TNRC6C: variants seen among roughly 807,000 people sequenced by gnomAD.
TNRC6C encodes the protein trinucleotide repeat-containing gene 6C protein.
TNRC6C carries 20 observed loss-of-function variants against 153.7 expected under a neutral mutation model. The ratio of observed to expected loss-of-function variants is 0.13; its 90% confidence interval spans 0.09 to 0.19. The LOEUF is 0.19. Among genes scored for constraint, TNRC6C ranks in the 10% least tolerant of loss-of-function variants. The probability of loss-of-function intolerance (pLI) is 1.00; values close to 1 mark genes in which losing one functional copy is unlikely to be tolerated. For synonymous variants in TNRC6C, 811 were observed against 841.4 expected, an observed-to-expected ratio of 0.96 and a Z score of 0.63; for missense variants, 1,987 against 2,172.0, an observed-to-expected ratio of 0.91 and a Z score of 1.69.
At chr17:78,050,647 A>G (rs1287577450) in exon 3 of TNRC6C, 1 of 1,565,642 alleles carries the variant, frequency 6.4e-7, no homozygotes, top group African/African-American at 1.4e-5. Flanking sequence ...CAGCAACAAC[A>G]AAGCGCCAAG....
At chr17:78,046,542 T>G (rs1313520888) in intron 2 of TNRC6C, among the ~76,000 whole-genome samples, 1 of 152,188 alleles carries the variant, frequency 6.6e-6, no homozygotes, top group African/African-American at 2.4e-5. Context: ...GTGGCTTGTT[T>G]TTTTAGCTTT....
chr17:78,070,559 A>G (rs1244277182), intron 5 of TNRC6C, among the ~76,000 whole-genome samples: 1 of 150,254 alleles, frequency 6.7e-6, no homozygotes, highest in African/African-American at 2.5e-5. Flanking sequence ...CTTCACTGAC[A>G]TTTTCCTCCT....
chr17:77,999,563 C>T (rs1356697418), upstream of TNRC6C, among the ~76,000 whole-genome samples: 1 of 152,220 alleles, frequency 6.6e-6, no homozygotes, highest in African/African-American at 2.4e-5. Flanking sequence ...GAAGGCCTGA[C>T]TCCATCACTA....
intron 3 of TNRC6C, among the ~76,000 whole-genome samples, chr17:78,057,631 A>G (rs966591169): frequency 4.2e-4 from 64 of 152,060 alleles, no homozygotes; most frequent in African/African-American, 1.5e-3. Context: ...AAAGCCTTCC[A>G]CTTGTGACTA....
intron 1 of TNRC6C, among the ~76,000 whole-genome samples, chr17:77,961,033 CGG>C (rs1391581181): frequency 6.6e-6 from 1 of 151,960 alleles, no homozygotes; most frequent in Non-Finnish European, 1.5e-5. Flanking sequence ...GCTCAGAAAA[CGG>C]TAATAGTAAA....
chr17:78,001,428 C>A (rs1479472425), upstream of TNRC6C, among the ~76,000 whole-genome samples: 3 of 152,124 alleles, frequency 2.0e-5, no homozygotes, highest in Non-Finnish European at 4.4e-5. Flanking sequence ...CTGGATAGGA[C>A]AGCTGGAGTT....
chr17:77,997,830 A>G (rs139645343), intron 1 of TNRC6C, among the ~76,000 whole-genome samples: 3,449 of 151,368 alleles, frequency 0.023, 143 homozygotes, highest in African/African-American at 0.08. Flanking sequence ...AATTTTTTGT[A>G]TTTTTAGTAG....
Position 77,979,017 on chromosome 17 carries a change from G to A in TNRC6C, c.-38+19749G>A, listed in dbSNP as rs115424117. On this transcript the variant is annotated intron_variant, in intron 1 of 22. Transcript: ENST00000636222. ...AGATTAACATTCAGTCAAAAACTAA[G>A]CATATAAAAAGAGGCAGGCGATAAG... is the stretch of plus-strand genomic sequence containing the variant. Among the ~76,000 whole-genome samples, 807 of 152,224 alleles carry A rather than the reference G, an allele frequency of 5.3e-3. 4 individuals carry two copies. The highest frequency in any genetic ancestry group is 0.019 in the African/African-American group (775 of 41,532).
rs370060606 is a variant in TNRC6C at position 78,086,688 on chromosome 17, C to A, written c.3561+102C>A. 79 of 1,556,342 alleles carry A rather than the reference C, an allele frequency of 5.1e-5. 3 individuals are homozygous for A. The African/African-American group carries it at 7.5e-4, about 15-fold the overall frequency. On this transcript the variant is annotated intron_variant, in intron 12 of 19. Transcript: ENST00000301624. ...TAGATGATCATTGATTTTTCTCTAG[C>A]CAAGCCTTCCTTTGAAAATTCCTGG...
intron 16 of TNRC6C, among the ~76,000 whole-genome samples, chr17:78,095,341 G>A (rs2073466485): frequency 6.6e-6 from 1 of 152,204 alleles, no homozygotes; most frequent in Non-Finnish European, 1.5e-5. Flanking sequence ...CCCAGTTAAG[G>A]AGATCAACTT....
chr17:77,961,298 G>A (rs1447829643), intron 1 of TNRC6C, among the ~76,000 whole-genome samples: 1 of 152,070 alleles, frequency 6.6e-6, no homozygotes, highest in Non-Finnish European at 1.5e-5. Context: ...AGGGATTACA[G>A]GTGCCCGCCG....
chr17:77,984,879 C>A (rs1026573090), intron 1 of TNRC6C, among the ~76,000 whole-genome samples: 1 of 152,140 alleles, frequency 6.6e-6, no homozygotes, highest in Admixed American at 6.5e-5. Context: ...TAGTAAGTAT[C>A]TACTTTCTGC....
chr17:78,050,678 A>T, exon 3 of TNRC6C: 1 of 1,559,380 alleles, frequency 6.4e-7, no homozygotes, highest in Non-Finnish European at 8.7e-7. Context: ...GTTTGGGGGG[A>T]CTCGATAAGC....
chr17:78,098,083 G>A (rs2073521290), intron 16 of TNRC6C, among the ~76,000 whole-genome samples: 2 of 152,212 alleles, frequency 1.3e-5, no homozygotes, highest in Admixed American at 1.3e-4. Context: ...CTCCATACAA[G>A]TGTGTGGGCC....
At chr17:78,077,535 A>T (rs1355440058) in intron 9 of TNRC6C, 1 of 688,800 alleles carries the variant, frequency 1.5e-6, no homozygotes, top group Non-Finnish European at 2.4e-6. Flanking sequence ...CTTTAGTTAT[A>T]TTTATTCTTA....
At chr17:78,094,525 G>A (rs892815172) in intron 16 of TNRC6C, among the ~76,000 whole-genome samples, 10 of 149,530 alleles carry the variant, frequency 6.7e-5, no homozygotes, top group Admixed American at 2.0e-4. Context: ...TGCAACCTCC[G>A]CCTCGCAGGC....
chr17:78,044,408 C>T (rs1019303579), intron 2 of TNRC6C, among the ~76,000 whole-genome samples: 1 of 152,216 alleles, frequency 6.6e-6, no homozygotes, highest in Non-Finnish European at 1.5e-5. Context: ...GTCAGATACT[C>T]TGCTGAACAC....
upstream of TNRC6C, among the ~76,000 whole-genome samples, chr17:77,958,457 C>T (rs984209191): frequency 3.3e-5 from 5 of 151,978 alleles, no homozygotes; most frequent in East Asian, 3.9e-4. Flanking sequence ...GGAACCACAG[C>T]GCGGGCGGGT....
chr17:78,005,360 T>G lies in TNRC6C; in HGVS notation c.-546+281T>G, dbSNP rs114106880. ...TGATTTCCACCAAACAGGATCGAAC[T>G]GATAAAGTTGATTCAGTTTGAATAA... On this transcript the variant is annotated intron_variant, in intron 1 of 19. Transcript: ENST00000301624. Among the ~76,000 whole-genome samples, 495 of 152,314 alleles carry G rather than the reference T, an allele frequency of 3.2e-3. 5 individuals are homozygous for G. Among genetic ancestry groups the G allele is most frequent in the African/African-American group, 0.011 (461 of 41,570 alleles).
Sources: allele counts gnomAD v4.1 joint callset (sites outside exome capture counted in the v4.1 genomes callset), GRCh38; gene constraint gnomAD v4.1.1; transcripts MANE v1.5; gene names NCBI Gene and HGNC (gene_info 2026-07-23, HGNC 2026-07-21).